Variants in CADM1 observed in about 807,000 individuals in gnomAD.
CADM1 encodes cell adhesion molecule 1, also known as TSLC-1.
A neutral mutation model predicts 53.1 loss-of-function variants in CADM1; 15 were observed. The observed-to-expected ratio is 0.28, with a 90% CI of 0.19 to 0.44. The LOEUF is 0.44. Among genes scored for constraint, CADM1 ranks in the 20% least tolerant of loss-of-function variants. CADM1 has a pLI of 1.00. For synonymous variants in CADM1, 281 were observed against 243.0 expected (o/e 1.16, Z -1.45); for missense variants, 434 against 611.3 (o/e 0.71, Z 3.06).
At chr11:115,260,840 T>G (rs886306770) in intron 1 of CADM1, among the ~76,000 whole-genome samples, 1 of 72,124 alleles carries the variant, frequency 1.4e-5, no homozygotes, top group South Asian at 3.5e-4. Flanking sequence ...CCCCGGCTAA[T>G]TTTTTGTATT....
At chr11:115,334,089 T>C (rs1945200476) in intron 1 of CADM1, among the ~76,000 whole-genome samples, 1 of 152,184 alleles carries the variant, frequency 6.6e-6, no homozygotes, top group Non-Finnish European at 1.5e-5. Flanking sequence ...TTTGTCTATA[T>C]GTCCTTCTAC....
intron 1 of CADM1, among the ~76,000 whole-genome samples, chr11:115,358,851 G>C (rs1043006713): frequency 3.3e-5 from 5 of 152,092 alleles, no homozygotes; most frequent in African/African-American, 1.2e-4. Context: ...TTTTCTAAGA[G>C]TTTCCTTTGC....
intron 1 of CADM1, among the ~76,000 whole-genome samples, chr11:115,499,304 C>T (rs922853480): frequency 6.6e-6 from 1 of 152,184 alleles, no homozygotes; most frequent in African/African-American, 2.4e-5. Context: ...CCTTCAGAAG[C>T]CTGGTTTTTG....
At chr11:115,350,499 T>C (rs1223995628) in intron 1 of CADM1, among the ~76,000 whole-genome samples, 6 of 131,196 alleles carry the variant, frequency 4.6e-5, no homozygotes, top group Non-Finnish European at 8.9e-5. Flanking sequence ...CCTATGACCA[T>C]TCTTTTTTTC....
At chr11:115,322,891 A>G (rs1437010841) in intron 1 of CADM1, among the ~76,000 whole-genome samples, 2 of 152,132 alleles carry the variant, frequency 1.3e-5, no homozygotes, top group Non-Finnish European at 2.9e-5. Flanking sequence ...ATAAATAATA[A>G]TATAATATTC....
At chr11:115,275,198 T>C (rs1445068189) in intron 1 of CADM1, among the ~76,000 whole-genome samples, 1 of 152,188 alleles carries the variant, frequency 6.6e-6, no homozygotes, top group African/African-American at 2.4e-5. Context: ...CATTTCTCTA[T>C]GCCTACCTCC....
rs548740152 is a variant in CADM1, at chr11:115,192,548, T to C, written c.1112-1607A>G. On this transcript the variant is annotated intron_variant, in intron 9 of 11. Coordinates refer to ENST00000331581, the MANE Select transcript of CADM1 (RefSeq NM_001301043.2). ...AAATAACTGTTATAAATAGGCAACA[T>C]AAAGTACTCCTTTGTAGTTAATTAT... 1.1e-4 allele frequency among the ~76,000 whole-genome samples: 17 copies of C among 152,326 alleles called. 1 individual carries two copies. Among genetic ancestry groups the C allele is most frequent in the African/African-American group, 4.1e-4 (17 of 41,578 alleles).
In CADM1 at chr11:115,169,488, A is replaced by T. The variant is rs770066339; in HGVS notation, c.*6986T>A. On this transcript the variant is annotated 3_prime_UTR_variant, in exon 12 of 12. Coordinates refer to ENST00000331581, the MANE Select transcript of CADM1 (RefSeq NM_001301043.2). ...TTTGGCAGGGAAGTAGGAGCAAAAA[A>T]CCCAAGTAGGACATTTCAGTTGACA... is the stretch of plus-strand genomic sequence containing the variant. The T allele has an allele frequency of 6.8e-4, 283 of 417,954 alleles. 1 individual carries two copies. Among genetic ancestry groups the T allele is most frequent in the Non-Finnish European group, 1.2e-3 (258 of 209,338 alleles). The allele number at this position is 417,954 out of a possible 1,614,324, so 25.9% of individuals were successfully genotyped here.
chr11:115,417,772 A>G (rs1224004222), intron 1 of CADM1, among the ~76,000 whole-genome samples: 2 of 152,188 alleles, frequency 1.3e-5, no homozygotes, highest in Non-Finnish European at 2.9e-5. Flanking sequence ...GGAATTTTCT[A>G]TTTAATCTTT....
intron 1 of CADM1, among the ~76,000 whole-genome samples, chr11:115,426,380 T>C (rs966521310): frequency 6.6e-6 from 1 of 152,144 alleles, no homozygotes; most frequent in Non-Finnish European, 1.5e-5. Context: ...GTCGCTTCCA[T>C]GTCACCCAGA....
chr11:115,216,539 T>A (rs1031734792), intron 6 of CADM1, among the ~76,000 whole-genome samples: 1 of 152,120 alleles, frequency 6.6e-6, no homozygotes, highest in African/African-American at 2.4e-5. Context: ...ATTCAAACTG[T>A]TTACAAAAAG....
chr11:115,501,758 C>A (rs1419150123), intron 1 of CADM1, among the ~76,000 whole-genome samples: 1 of 152,126 alleles, frequency 6.6e-6, no homozygotes, highest in African/African-American at 2.4e-5. Flanking sequence ...CAACAGGTTT[C>A]TTTAACCCTG....
At chr11:115,260,392 GT>G (rs1316880793) in intron 1 of CADM1, among the ~76,000 whole-genome samples, 1 of 152,234 alleles carries the variant, frequency 6.6e-6, no homozygotes, top group Non-Finnish European at 1.5e-5. Context: ...ATACATATTG[GT>G]TGTACGCTGG....
chr11:115,335,996 T>C (rs982099347), intron 1 of CADM1, among the ~76,000 whole-genome samples: 5 of 152,186 alleles, frequency 3.3e-5, no homozygotes, highest in Admixed American at 2.0e-4. Context: ...TGAATAACTA[T>C]AGTTTAACTC....
chr11:115,373,606 AAAG>A lies in CADM1; in HGVS notation c.124+130662_124+130664del, dbSNP rs1156302687. Among the ~76,000 whole-genome samples, 595 of 119,108 alleles carry A rather than the reference AAAG, an allele frequency of 5.0e-3. 5 individuals are homozygous for A. Among genetic ancestry groups the A allele is most frequent in the East Asian group, 0.018 (81 of 4,456 alleles). The allele number at this position is 119,108 out of a possible 152,430, so 78.1% of individuals were successfully genotyped here. ...CTCAAAAAAAAAAAAAAAAAAAAAA[AAAG>A]AAGAAGAAGAAGAAGAAAGAATGTG... On this transcript the variant is annotated intron_variant, in intron 1 of 11. Coordinates refer to ENST00000331581, the MANE Select transcript of CADM1 (RefSeq NM_001301043.2).
intron 1 of CADM1, among the ~76,000 whole-genome samples, chr11:115,306,129 G>A (rs910795861): frequency 7.7e-5 from 8 of 104,438 alleles, no homozygotes; most frequent in Non-Finnish European, 1.4e-4. Flanking sequence ...ATATAACAAT[G>A]TTTTGGTCAA....
chr11:115,407,733 G>A (rs565643476), intron 1 of CADM1, among the ~76,000 whole-genome samples: 3 of 151,988 alleles, frequency 2.0e-5, no homozygotes, highest in African/African-American at 7.2e-5. Flanking sequence ...GCTAGGTATG[G>A]TGGTGTGTGC....
At chr11:115,199,262 C>T (rs953739035) in intron 8 of CADM1, among the ~76,000 whole-genome samples, 53 of 152,328 alleles carry the variant, frequency 3.5e-4, no homozygotes, top group African/African-American at 1.2e-3. Flanking sequence ...ATCCAGCCAT[C>T]CTTTCGCTCA....
At chr11:115,178,920 T>A (rs1939177545) in intron 10 of CADM1, 145 bp from the exon 11 acceptor site, 1 of 870,486 alleles carries the variant, frequency 1.1e-6, no homozygotes, top group Middle Eastern at 3.1e-4. Context: ...CAAGTTACAC[T>A]GAGGTAACAG....
Sources: gnomAD v4.1 joint callset for allele counts (sites outside exome capture counted in the v4.1 genomes callset) on GRCh38, gnomAD v4.1.1 for gene constraint, MANE v1.5 for transcripts, NCBI Gene and HGNC (gene_info 2026-07-23, HGNC 2026-07-21) for gene names.